The following ZNF638 variants were observed in gnomAD, a reference collection of about 807,000 sequenced individuals.
ZNF638 encodes the protein CTCL tumor antigen se33-1.
Under a neutral mutation model 195.6 loss-of-function variants are expected in ZNF638, and 46 were observed. The ratio of observed to expected loss-of-function variants is 0.24; its 90% CI spans 0.19 to 0.30. The LOEUF is 0.30. Among genes scored for constraint, ZNF638 ranks in the 10% least tolerant of loss-of-function variants. The pLI, the probability that ZNF638 is intolerant of heterozygous loss-of-function variation, is 1.00. For synonymous variants in ZNF638, 845 were observed against 772.0 expected (o/e 1.09, Z -1.57); for missense variants, 2,440 against 2,325.3 (o/e 1.05, Z -1.01).
At chr2:71,383,434 T>C (rs149467725) in intron 10 of ZNF638, among the ~76,000 whole-genome samples, 1,524 of 152,302 alleles carry the variant, frequency 0.01, 12 homozygotes, top group Middle Eastern at 0.027. Flanking sequence ...AAGCGTTGCA[T>C]ATACTAAATT....
chr2:71,369,814 G>C, intron 7 of ZNF638, 69 bp from the exon 8 acceptor site: 1 of 1,458,600 alleles, frequency 6.9e-7, no homozygotes, highest in South Asian at 1.3e-5. Flanking sequence ...AAAGGATTAA[G>C]CCCATTTTAA....
intron 21 of ZNF638, among the ~76,000 whole-genome samples, chr2:71,420,960 T>G (rs908975190): frequency 3.3e-5 from 5 of 152,196 alleles, no homozygotes; most frequent in Non-Finnish European, 7.4e-5. Context: ...AGTATGGAAC[T>G]GCATAATGGT....
chr2:71,335,256 G>C (rs1267643600), intron 1 of ZNF638, among the ~76,000 whole-genome samples: 2 of 152,088 alleles, frequency 1.3e-5, no homozygotes, highest in Admixed American at 1.3e-4. Context: ...GCCCAGGCTG[G>C]TCTCAAACTC....
At chr2:71,369,643 G>C (rs1189089306) in intron 7 of ZNF638, among the ~76,000 whole-genome samples, 1 of 152,088 alleles carries the variant, frequency 6.6e-6, no homozygotes, top group Non-Finnish European at 1.5e-5. Context: ...CCATGAGCCT[G>C]CCTGGATTTT....
At chr2:71,402,126 C>A in intron 16 of ZNF638, 39 bp downstream of exon 16, 1 of 1,536,106 alleles carries the variant, frequency 6.5e-7, no homozygotes, top group Non-Finnish European at 8.8e-7. Context: ...CCTCTGCAAG[C>A]ATGCATGCTT....
At chr2:71,365,279 T>TA in intron 5 of ZNF638, 150 bp from the exon 6 acceptor site, 1 of 618,144 alleles carries the variant, frequency 1.6e-6, no homozygotes, top group South Asian at 2.9e-5. Context: ...GAACTTCATG[T>TA]AAAAGCCTTC....
At chr2:71,376,857 G>A (rs889604556) in intron 8 of ZNF638, among the ~76,000 whole-genome samples, 71 of 152,088 alleles carry the variant, frequency 4.7e-4, no homozygotes, top group Non-Finnish European at 9.1e-4. Flanking sequence ...TCCATTCTTA[G>A]CAGTGATTCT....
At chr2:71,377,575 CTA>C (rs1491264829) in intron 8 of ZNF638, among the ~76,000 whole-genome samples, 16 of 152,186 alleles carry the variant, frequency 1.1e-4, no homozygotes, top group Admixed American at 3.3e-4. Context: ...AATTCTGAAA[CTA>C]TTTCTTATTA....
intron 20 of ZNF638, among the ~76,000 whole-genome samples, chr2:71,410,378 T>TTGTGTG (rs374000935): frequency 1.5e-4 from 23 of 151,296 alleles, no homozygotes; most frequent in Admixed American, 9.2e-4. Context: ...GATTTTTTTT[T>TTGTGTG]TGTGTGTGTG....
At chr2:71,388,183 TC>T (rs1169873579) in intron 10 of ZNF638, among the ~76,000 whole-genome samples, 1 of 152,188 alleles carries the variant, frequency 6.6e-6, no homozygotes, top group Non-Finnish European at 1.5e-5. Context: ...TTGCAAAGCT[TC>T]GGGAGAGAAT....
intron 11 of ZNF638, among the ~76,000 whole-genome samples, chr2:71,397,487 C>T (rs1318868986): frequency 6.6e-6 from 1 of 152,076 alleles, no homozygotes; most frequent in African/African-American, 2.4e-5. Context: ...TTTTAGATGT[C>T]AATGAATGCT....
intron 2 of ZNF638, among the ~76,000 whole-genome samples, chr2:71,350,866 A>G (rs929761420): frequency 1.2e-4 from 18 of 152,238 alleles, no homozygotes; most frequent in African/African-American, 4.1e-4. Context: ...GGACTCAGAA[A>G]ATAGTGTAAA....
chr2:71,411,743 G>T, intron 20 of ZNF638, among the ~76,000 whole-genome samples: 1 of 65,700 alleles, frequency 1.5e-5, no homozygotes. Context: ...TTTTGTTCTT[G>T]CGATAGTTTA....
At chr2:71,382,074 GTTTAAAAAATTTTTTAAATAAT>G (rs573862293) in intron 10 of ZNF638, among the ~76,000 whole-genome samples, 1 of 152,178 alleles carries the variant, frequency 6.6e-6, no homozygotes, top group South Asian at 2.1e-4. Flanking sequence ...CAGTAAGTGA[GTTTAAAAAATTTTTTAAATAAT>G]TATAAAATTT....
chr2:71,382,719 A>G (rs2079555058), intron 10 of ZNF638, among the ~76,000 whole-genome samples: 1 of 152,210 alleles, frequency 6.6e-6, no homozygotes, highest in African/African-American at 2.4e-5. Flanking sequence ...TGAGGTGACA[A>G]ATATTAAATA....
At chr2:71,367,682 A>G (rs1007056001) in intron 6 of ZNF638, among the ~76,000 whole-genome samples, 1 of 150,506 alleles carries the variant, frequency 6.6e-6, no homozygotes, top group Admixed American at 6.6e-5. Flanking sequence ...CTTGTGATCT[A>G]TCCACCTTGG....
intron 2 of ZNF638, among the ~76,000 whole-genome samples, chr2:71,354,384 T>G (rs2078989467): frequency 6.6e-6 from 1 of 152,004 alleles, no homozygotes; most frequent in Non-Finnish European, 1.5e-5. Context: ...CAGAGTTATT[T>G]ATGGGTACAC....
chr2:71,387,244 G>A (rs899906888), intron 10 of ZNF638, among the ~76,000 whole-genome samples: 1 of 152,094 alleles, frequency 6.6e-6, no homozygotes, highest in Non-Finnish European at 1.5e-5. Flanking sequence ...CAAAAAGTAG[G>A]ACAGAAGAGA....
At chr2:71,419,958 T>TA (rs1558881346) in intron 21 of ZNF638, among the ~76,000 whole-genome samples, 1 of 26,576 alleles carries the variant, frequency 3.8e-5, no homozygotes, top group African/African-American at 1.1e-4. Flanking sequence ...ACTTCTTAAT[T>TA]CCCACCCCCC....
Sources: allele counts gnomAD v4.1 joint callset (sites outside exome capture counted in the v4.1 genomes callset), GRCh38; gene constraint gnomAD v4.1.1; transcripts MANE v1.5; gene names NCBI Gene and HGNC (gene_info 2026-07-23, HGNC 2026-07-21).